The following DROSHA variants were observed in gnomAD, a reference collection of about 807,000 sequenced individuals.
The protein encoded by DROSHA is drosha ribonuclease III.
Under a neutral mutation model 181.9 loss-of-function variants are expected in DROSHA, and 56 were observed. The ratio of observed to expected loss-of-function variants is 0.31; its 90% CI spans 0.25 to 0.38. DROSHA has a LOEUF of 0.38. Among genes scored for constraint, DROSHA ranks in the 10% least tolerant of loss-of-function variants. DROSHA has a pLI of 1.00. For synonymous variants in DROSHA, 524 were observed against 591.2 expected (o/e 0.89, Z 1.65); for missense variants, 1,218 against 1,743.5 (o/e 0.70, Z 5.37).
At chr5:31,490,417 A>C (rs930833765) in intron 13 of DROSHA, among the ~76,000 whole-genome samples, 2 of 151,928 alleles carry the variant, frequency 1.3e-5, no homozygotes, top group Admixed American at 6.6e-5. Flanking sequence ...CCTGGCCTCA[A>C]GCAATTCCCT....
At chr5:31,513,444 G>A (rs763104455) in intron 8 of DROSHA, among the ~76,000 whole-genome samples, 1 of 152,182 alleles carries the variant, frequency 6.6e-6, no homozygotes, top group Non-Finnish European at 1.5e-5. Flanking sequence ...CCACCTTCTT[G>A]CCAGGGGTGT....
rs116718063 is a variant in DROSHA at position 31,453,281 on chromosome 5, G to A, written c.2575-1641C>T. Among the ~76,000 whole-genome samples, 1,076 of 152,168 alleles carry A rather than the reference G, an allele frequency of 7.1e-3. 12 individuals carry two copies. The highest frequency in any genetic ancestry group is 0.025 in the African/African-American group (1,020 of 41,538). ...CACAATCACAACTCACTGCAGCCTC[G>A]ACCTTCCAGGCTCAAGAGATCCTCC... On this transcript the variant is annotated intron_variant, in intron 20 of 35. Transcript: ENST00000344624.
chr5:31,431,557 T>A lies in DROSHA; in HGVS notation c.3145+19A>T, dbSNP rs771973856. 1 of 1,612,308 alleles carries A rather than the reference T, an allele frequency of 6.2e-7. No homozygotes were observed. On this transcript the variant is annotated intron_variant, in intron 26 of 35. Coordinates refer to ENST00000344624, the MANE Select transcript of DROSHA (RefSeq NM_001382508.1). ...TAGACATGCAAGAAAGTAGACTTCT[T>A]GAAGAAGAGAGAAATTACCTATTAA...
chr5:31,406,982 G>A (rs1317928512), intron 33 of DROSHA, 37 bp from the exon 34 acceptor site: 2 of 1,580,658 alleles, frequency 1.3e-6, no homozygotes, highest in Admixed American at 1.7e-5. Flanking sequence ...TTATGGTAAA[G>A]TGTTATTTGT....
chr5:31,505,263 C>A (rs1402721041), intron 10 of DROSHA, among the ~76,000 whole-genome samples: 2 of 152,120 alleles, frequency 1.3e-5, no homozygotes, highest in Non-Finnish European at 2.9e-5. Flanking sequence ...AGCACCGGGT[C>A]CGTGTGCTCA....
At chr5:31,454,274 A>T (rs1747380702) in intron 20 of DROSHA, among the ~76,000 whole-genome samples, 1 of 150,914 alleles carries the variant, frequency 6.6e-6, no homozygotes, top group Non-Finnish European at 1.5e-5. Flanking sequence ...AAACACAAAA[A>T]AACAAAAACT....
intron 35 of DROSHA, 106 bp downstream of exon 35, chr5:31,405,571 A>C (rs1334636162): frequency 9.8e-7 from 1 of 1,025,632 alleles, no homozygotes; most frequent in African/African-American, 1.6e-5. Flanking sequence ...TGAAGAAAAC[A>C]AGATCACATT....
At chr5:31,509,157 C>G (rs540980803) in intron 9 of DROSHA, among the ~76,000 whole-genome samples, 8 of 152,114 alleles carry the variant, frequency 5.3e-5, no homozygotes, top group African/African-American at 1.9e-4. Flanking sequence ...TCCAAATGAC[C>G]TAAACCTCTA....
intron 35 of DROSHA, among the ~76,000 whole-genome samples, chr5:31,404,534 C>T (rs763062159): frequency 6.7e-4 from 102 of 152,246 alleles, no homozygotes; most frequent in Non-Finnish European, 1.2e-3. Flanking sequence ...TTTAGCTTCC[C>T]GCATTTTGCT....
chr5:31,433,598 G>C (rs1744443027), intron 25 of DROSHA, among the ~76,000 whole-genome samples: 1 of 152,038 alleles, frequency 6.6e-6, no homozygotes, highest in Admixed American at 6.5e-5. Flanking sequence ...AGGCTGGAGT[G>C]CAGTGGCACA....
chr5:31,449,914 C>T (rs1746762003), intron 21 of DROSHA, among the ~76,000 whole-genome samples: 1 of 152,042 alleles, frequency 6.6e-6, no homozygotes, highest in Non-Finnish European at 1.5e-5. Context: ...ATATATCCAA[C>T]AAAGGACTAA....
At chr5:31,464,167 C>G in intron 20 of DROSHA, 69 bp downstream of exon 20, 1 of 1,305,900 alleles carries the variant, frequency 7.7e-7, no homozygotes, top group Non-Finnish European at 1.1e-6. Flanking sequence ...ATTAAGAAAC[C>G]CTCAGTACCA....
At chr5:31,526,008 T>G (rs116029709) in intron 5 of DROSHA, 71 bp downstream of exon 5, 18,792 of 1,427,746 alleles carry the variant, frequency 0.013, 160 homozygotes, top group Non-Finnish European at 0.015. Flanking sequence ...TTTGGTTTGG[T>G]TGTCATAAAT....
intron 17 of DROSHA, among the ~76,000 whole-genome samples, chr5:31,468,313 AC>A (rs1179799890): frequency 6.6e-6 from 1 of 152,216 alleles, no homozygotes; most frequent in East Asian, 1.9e-4. Flanking sequence ...CCACATAGAA[AC>A]CTTTAAAAAT....
chr5:31,432,235 G>A (rs1580069614), intron 25 of DROSHA, among the ~76,000 whole-genome samples: 1 of 151,692 alleles, frequency 6.6e-6, no homozygotes, highest in Admixed American at 6.6e-5. Flanking sequence ...GGGTTCAAGC[G>A]ATTCTCCTGC....
At chr5:31,453,748 C>T (rs1372731932) in intron 20 of DROSHA, among the ~76,000 whole-genome samples, 2 of 152,110 alleles carry the variant, frequency 1.3e-5, no homozygotes, top group East Asian at 1.9e-4. Context: ...ATAACCCTTT[C>T]GTGAGTACCT....
In DROSHA at chr5:31,466,247, G is replaced by A. The variant is rs376262500; in HGVS notation, c.2401C>T (p.Arg801Cys). 4.5e-5 allele frequency: 72 copies of A among 1,613,506 alleles called. No homozygotes were observed. The highest frequency in any genetic ancestry group is 8.0e-5 in the African/African-American group (6 of 74,876). The change falls in exon 19 of 36, where the codon CGC becomes TGC. Residue 801 changes from arginine to cysteine, a missense_variant. Physicochemically the swap from Arg to Cys is radical, Grantham distance 180. Around this residue, in one of 8 missense-constraint regions of DROSHA, gnomAD observed 460 missense variants for 774.2 expected, o/e 0.59. Transcript: ENST00000344624. ...TTGGGACTATTTGCTAGGAGGTGGC[G>A]AAGTTTCACATAACTCTTCCACAGT... ...QKLWKSYVKL[R>C]HLLANSPKVK...
At chr5:31,402,195 C>A (rs1276207557) in intron 35 of DROSHA, among the ~76,000 whole-genome samples, 1 of 152,154 alleles carries the variant, frequency 6.6e-6, no homozygotes, top group East Asian at 1.9e-4. Flanking sequence ...ATGTTTCAAA[C>A]ACATGAAGAA....
At chr5:31,437,420 A>G in intron 23 of DROSHA, 122 bp from the exon 24 acceptor site, 1 of 834,612 alleles carries the variant, frequency 1.2e-6, no homozygotes, top group South Asian at 1.8e-5. Flanking sequence ...CACCTTCCCT[A>G]TTCCTCATAA....
Sources: allele counts gnomAD v4.1 joint callset (sites outside exome capture counted in the v4.1 genomes callset), GRCh38; gene constraint gnomAD v4.1.1; regional missense constraint gnomAD v4.1.1; transcripts MANE v1.5; gene names NCBI Gene and HGNC (gene_info 2026-07-23, HGNC 2026-07-21).